CACNA1D: variants seen among roughly 807,000 people sequenced by gnomAD.
CACNA1D encodes the protein calcium voltage-gated channel subunit alpha1 D.
CACNA1D carries 55 observed loss-of-function variants against 257.1 expected under a neutral mutation model. The observed-to-expected ratio is 0.21, with a 90% CI of 0.17 to 0.27. The LOEUF is 0.27. Ranked by LOEUF, CACNA1D falls within the 10% of genes least tolerant of loss-of-function variation. CACNA1D has a pLI of 1.00. For missense variants in CACNA1D, 1,876 were observed against 2,784.0 expected (o/e 0.67, Z 7.34); for synonymous variants, 980 against 1,014.9 (o/e 0.97, Z 0.65).
At chr3:53,515,155 G>T (rs1249514414) in intron 3 of CACNA1D, among the ~76,000 whole-genome samples, 1 of 152,152 alleles carries the variant, frequency 6.6e-6, no homozygotes, top group Admixed American at 6.5e-5. Flanking sequence ...GGGGTAAAAA[G>T]TTCAAAGCTC....
intron 40 of CACNA1D, among the ~76,000 whole-genome samples, chr3:53,790,179 C>G (rs1252254803): frequency 6.6e-6 from 1 of 152,130 alleles, no homozygotes; most frequent in Non-Finnish European, 1.5e-5. Context: ...TTGCTACATC[C>G]GAGTGACCCA....
chr3:53,581,984 A>G (rs807195), intron 3 of CACNA1D, among the ~76,000 whole-genome samples: 6,938 of 152,268 alleles, frequency 0.046, 201 homozygotes, highest in Non-Finnish European at 0.07. Context: ...TGATTTCTAC[A>G]TCAGCCTACA....
At chr3:53,683,989 A>C (rs1022886566) in intron 8 of CACNA1D, among the ~76,000 whole-genome samples, 1 of 152,238 alleles carries the variant, frequency 6.6e-6, no homozygotes, top group Admixed American at 6.5e-5. Context: ...CATCAAATTT[A>C]GATGGCTGAA....
chr3:53,719,887 G>C (rs2094863556), intron 11 of CACNA1D, 106 bp downstream of exon 11: 1 of 1,030,298 alleles, frequency 9.7e-7, no homozygotes, highest in South Asian at 1.3e-5. Flanking sequence ...TTCCTCTGTG[G>C]ATTATAACAT....
At chr3:53,804,928 T>C (rs1043130737) in intron 44 of CACNA1D, 55 bp from the exon 45 acceptor site, 1 of 1,523,904 alleles carries the variant, frequency 6.6e-7, no homozygotes, top group African/African-American at 1.4e-5. Context: ...TCTGGCAGGG[T>C]TGAGTGACAG....
intron 3 of CACNA1D, among the ~76,000 whole-genome samples, chr3:53,527,791 A>G (rs1262619361): frequency 6.6e-6 from 1 of 152,190 alleles, no homozygotes; most frequent in Admixed American, 6.5e-5. Flanking sequence ...CCAATAGACT[A>G]TTGTTAGAGT....
intron 37 of CACNA1D, among the ~76,000 whole-genome samples, chr3:53,777,823 G>C (rs1443038480): frequency 1.3e-5 from 2 of 152,226 alleles, no homozygotes. Flanking sequence ...TCCTTCCACA[G>C]AACTCACGGT....
chr3:53,702,457 A>C (rs1379806578), intron 8 of CACNA1D, among the ~76,000 whole-genome samples, 184 bp from the exon 9 acceptor site: 1 of 152,166 alleles, frequency 6.6e-6, no homozygotes, highest in African/African-American at 2.4e-5. Context: ...TGACCCCCAT[A>C]GTCTTGCTTT....
chr3:53,773,476 G>A (rs1022145318), intron 33 of CACNA1D: 1 of 157,406 alleles, frequency 6.4e-6, no homozygotes, highest in African/African-American at 2.4e-5. Flanking sequence ...GGTTGTGGGT[G>A]GAGGGAGGCA....
chr3:53,502,861 G>A (rs1047442866), intron 3 of CACNA1D, among the ~76,000 whole-genome samples: 22 of 152,118 alleles, frequency 1.4e-4, no homozygotes, highest in Admixed American at 5.2e-4. Flanking sequence ...GCCCATTCTG[G>A]ATAACAGGAA....
chr3:53,549,599 T>G (rs771953998), intron 3 of CACNA1D, among the ~76,000 whole-genome samples: 3 of 152,250 alleles, frequency 2.0e-5, no homozygotes, highest in Non-Finnish European at 2.9e-5. Context: ...ACACAGTCTT[T>G]AGGTGCTCAC....
At chr3:53,666,189 A>T in intron 6 of CACNA1D, 150 bp from the exon 7 acceptor site, 1 of 799,062 alleles carries the variant, frequency 1.3e-6, no homozygotes, top group Non-Finnish European at 2.3e-6. Flanking sequence ...GAGCATTTGA[A>T]GGGAACCTTG....
chr3:53,597,862 C>T (rs1435258071), intron 3 of CACNA1D, among the ~76,000 whole-genome samples: 1 of 152,174 alleles, frequency 6.6e-6, no homozygotes, highest in African/African-American at 2.4e-5. Flanking sequence ...AAAGGGTGTT[C>T]AGTTATCAAC....
intron 3 of CACNA1D, among the ~76,000 whole-genome samples, chr3:53,606,577 G>A (rs2093513855): frequency 6.6e-6 from 1 of 152,234 alleles, no homozygotes; most frequent in South Asian, 2.1e-4. Flanking sequence ...CAGGCCAAGG[G>A]CTGTGGGCTT....
intron 40 of CACNA1D, among the ~76,000 whole-genome samples, chr3:53,787,385 G>T (rs1231778318): frequency 6.7e-6 from 1 of 150,206 alleles, no homozygotes; most frequent in Admixed American, 6.6e-5. Context: ...GTTGGTTTTT[G>T]GTCCATTTCA....
chr3:53,787,690 T>C (rs762157991), intron 40 of CACNA1D, among the ~76,000 whole-genome samples: 1 of 151,752 alleles, frequency 6.6e-6, no homozygotes, highest in African/African-American at 2.4e-5. Flanking sequence ...AGCTCTGGGA[T>C]GGGAAGCAGG....
intron 3 of CACNA1D, among the ~76,000 whole-genome samples, chr3:53,566,379 G>C (rs2107663755): frequency 6.6e-6 from 1 of 152,088 alleles, no homozygotes; most frequent in East Asian, 1.9e-4. Flanking sequence ...TCCCTGGATG[G>C]GTGTTTGGTT....
chr3:53,622,184 G>A (rs2093704164), intron 3 of CACNA1D, among the ~76,000 whole-genome samples: 1 of 152,064 alleles, frequency 6.6e-6, no homozygotes, highest in Non-Finnish European at 1.5e-5. Context: ...AGCAGTAGCT[G>A]GGATCACAGG....
chr3:53,694,197 G>A (rs1295126970), intron 8 of CACNA1D, among the ~76,000 whole-genome samples: 1 of 152,226 alleles, frequency 6.6e-6, no homozygotes, highest in African/African-American at 2.4e-5. Flanking sequence ...CCTCTCTGCA[G>A]AACATGAGGC....
Sources: allele counts gnomAD v4.1 joint callset (sites outside exome capture counted in the v4.1 genomes callset), GRCh38; gene constraint gnomAD v4.1.1; transcripts MANE v1.5; gene names NCBI Gene and HGNC (gene_info 2026-07-23, HGNC 2026-07-21).